Variants in PSG5 observed in about 807,000 individuals in gnomAD.
The protein encoded by PSG5 is pregnancy specific beta-1-glycoprotein 5.
In PSG5, 53 loss-of-function variants were observed where a neutral mutation model predicts 37.7. The observed-to-expected ratio is 1.41, with a 90% CI of 1.13 to 1.77. The LOEUF (loss-of-function observed/expected upper bound fraction) is 1.77, where lower values mean the gene tolerates loss of function less well. Among genes scored for constraint, PSG5 ranks in the 40% most tolerant of loss-of-function variants. The pLI, the probability that PSG5 is intolerant of heterozygous loss-of-function variation, is 0.00. For synonymous variants in PSG5, 221 were observed against 155.4 expected (o/e 1.42, Z -3.14); for missense variants, 547 against 405.2 (o/e 1.35, Z -3.00).
rs3207390 is a variant in PSG5 at position 43,170,136 on chromosome 19, G to T, written c.967C>A (p.Pro323Thr). 1.3e-6 allele frequency: 2 copies of T among 1,585,254 alleles called. No individual in the cohort carries two copies. The highest frequency in any genetic ancestry group is 1.7e-6 in the Non-Finnish European group (2 of 1,158,848). Residue 323 changes from proline to threonine, a missense_variant and splice_region_variant, in exon 5 of 6, where the codon CCT becomes ACT. By Grantham distance (38) the Pro-to-Thr change is conservative. Transcript: ENST00000342951. ...SKSMTVEVSA[P>T]SGIGRLPLLN... ...AGAGGAAGACGTCCTATTCCTGAAG[G>T]AGCTGTCATGGAAAGAAAAGTAAAG...
chr19:43,175,709 G>C, intron 3 of PSG5, 161 bp downstream of exon 3: 1 of 1,447,274 alleles, frequency 6.9e-7, no homozygotes, highest in East Asian at 2.3e-5. Context: ...GGTTAAGGCT[G>C]TGCCTACCTA....
At chr19:43,178,492 A>T (rs1222122679) in intron 2 of PSG5, among the ~76,000 whole-genome samples, 1 of 151,664 alleles carries the variant, frequency 6.6e-6, no homozygotes, top group East Asian at 1.9e-4. Flanking sequence ...GAGCAAAGAG[A>T]ATAAAGTCAC....
At chr19:43,178,094 G>A (rs1969049630) in intron 2 of PSG5, among the ~76,000 whole-genome samples, 1 of 151,534 alleles carries the variant, frequency 6.6e-6, no homozygotes, top group African/African-American at 2.4e-5. Context: ...GGTGGTTTTG[G>A]AGCAGAAACA....
In PSG5 at chr19:43,186,214, A is replaced by G. The variant is rs563282277; in HGVS notation, c.64+128T>C. On this transcript the variant is annotated intron_variant, in intron 1 of 5. Coordinates refer to ENST00000342951, the MANE Select transcript of PSG5 (RefSeq NM_002781.4). ...ACTGACCTTGAACTCCTGATCTCAT[A>G]ATCCACCCACCTCATCCTCCCAAAG... is the stretch of plus-strand genomic sequence containing the variant. 2.0e-4 allele frequency: 300 copies of G among 1,492,284 alleles called. 7 individuals carry two copies. Among genetic ancestry groups the G allele is most frequent in the Non-Finnish European group, 2.5e-4 (276 of 1,095,494 alleles). The allele number at this position is 1,492,284 out of a possible 1,614,324, so 92.4% of individuals were successfully genotyped here. A position where few individuals can be genotyped will look rare whatever the true frequency, so the allele number is the denominator to read the frequency against.
At position 43,171,663 on chromosome 19, in the gene PSG5, TACTC is replaced by T. The variant is rs1234630182; in HGVS notation, c.965-1529_965-1526del. On this transcript the variant is annotated intron_variant, in intron 4 of 5. Transcript: ENST00000342951. ...AGAAAAAAAGAGAAAAGTTTAAAAT[TACTC>T]AAATCAGAAATGAAAATGGACTCTG... is the stretch of plus-strand genomic sequence containing the variant. 3 of 952,786 alleles carry T rather than the reference TACTC, an allele frequency of 3.1e-6. No homozygotes were observed. In the African/African-American group the frequency reaches 5.2e-5, roughly 16 times the overall value. The allele number at this position is 952,786 out of a possible 1,614,324, so 59.0% of individuals were successfully genotyped here. A position where few individuals can be genotyped will look rare whatever the true frequency, so the allele number is the denominator to read the frequency against.
intron 2 of PSG5, among the ~76,000 whole-genome samples, chr19:43,179,668 C>T (rs1314896197): frequency 3.3e-5 from 5 of 151,698 alleles, no homozygotes; most frequent in Non-Finnish European, 7.4e-5. Context: ...GGTACTTCAG[C>T]ATAAATAACA....
In PSG5 at chr19:43,182,706, T is replaced by TTTTTTTTTTTTTTTTTTTTTC. The variant is rs1568375645; in HGVS notation, c.430+2075_430+2076insGAAAAAAAAAAAAAAAAAAAA. Among the ~76,000 whole-genome samples the TTTTTTTTTTTTTTTTTTTTTC allele has an allele frequency of 3.0e-4, 16 of 53,578 alleles. 1 individual carries two copies. The highest frequency in any genetic ancestry group is 2.1e-3 in the African/African-American group (16 of 7,572). 35.1% of individuals were successfully genotyped at this position (53,578 alleles called of 152,430 possible). ...TGACTAGAAACCAACATTTCAATAA[T>TTTTTTTTTTTTTTTTTTTTTC]TTTTTTTTTTTTTTTTTGTGCAGGA... On this transcript the variant is annotated intron_variant, in intron 2 of 5. Coordinates refer to ENST00000342951, the MANE Select transcript of PSG5 (RefSeq NM_002781.4).
chr19:43,178,498 G>T (rs1969058230), intron 2 of PSG5, among the ~76,000 whole-genome samples: 2 of 151,736 alleles, frequency 1.3e-5, no homozygotes, highest in South Asian at 4.1e-4. Context: ...AGAGAATAAA[G>T]TCACAGGTGA....
Position 43,168,593 on chromosome 19 carries a change from C to T in PSG5, c.*41-390G>A, listed in dbSNP as rs544982070. Among the ~76,000 whole-genome samples the T allele has an allele frequency of 5.9e-5, 9 of 151,694 alleles. 1 individual carries two copies. Among genetic ancestry groups the T allele is most frequent in the African/African-American group, 1.5e-4 (6 of 41,272 alleles). On this transcript the variant is annotated intron_variant, in intron 5 of 5. Coordinates refer to ENST00000342951, the MANE Select transcript of PSG5 (RefSeq NM_002781.4). ...TTCACCGTGTTAGCCAGGATGGTCT[C>T]GATCTCCTGACATCGTGATGTGCCC...
Position 43,175,226 on chromosome 19 carries a change from A to G in PSG5, c.953T>C (p.Val318Ala), listed in dbSNP as rs1968979709. 2 of 1,612,682 alleles carry G rather than the reference A, an allele frequency of 1.2e-6. No homozygotes were observed. The highest frequency in any genetic ancestry group is 2.2e-5 in the East Asian group (1 of 44,868). Residue 318 changes from valine to alanine, a missense_variant, in exon 4 of 6, where the codon GTC (valine) becomes GCC (alanine). Transcript: ENST00000342951. ...TGKESSKSMT[V>A]EVSAPSGIGR... ...TGGGATCCACTTACCAGAGACTTCG[A>G]CTGTCATGGATTTGGAGCTTTCCTT...
At chr19:43,175,651 T>G in intron 3 of PSG5, 182 bp from the exon 4 acceptor site, 1 of 1,386,276 alleles carries the variant, frequency 7.2e-7, no homozygotes, top group Non-Finnish European at 9.7e-7. Flanking sequence ...CACAAGCTAT[T>G]GACACAAAGT....
intron 2 of PSG5, among the ~76,000 whole-genome samples, chr19:43,184,020 A>C (rs539935093): frequency 6.6e-6 from 1 of 151,894 alleles, no homozygotes; most frequent in African/African-American, 2.4e-5. Flanking sequence ...ATTTGCTTCC[A>C]TGAGAAAGCA....
At chr19:43,185,324 C>T (rs1393776414) in intron 1 of PSG5, among the ~76,000 whole-genome samples, 177 bp from the exon 2 acceptor site, 4 of 151,012 alleles carry the variant, frequency 2.6e-5, no homozygotes, top group African/African-American at 9.8e-5. Context: ...TGTGTGTGTC[C>T]TACTGTCCTA....
intron 2 of PSG5, 104 bp from the exon 3 acceptor site, chr19:43,176,252 G>C (rs1351837421): frequency 8.5e-6 from 13 of 1,531,128 alleles, no homozygotes; most frequent in Non-Finnish European, 1.1e-5. Flanking sequence ...ACCCACCAGA[G>C]TCCTTGAAAG....
At chr19:43,175,178 T>C in intron 4 of PSG5, 37 bp downstream of exon 4, 1 of 1,612,148 alleles carries the variant, frequency 6.2e-7, no homozygotes, top group Non-Finnish European at 8.5e-7. Flanking sequence ...AGACTCCACC[T>C]AAAACCCTAT....
At chr19:43,185,738 T>C (rs182179102) in intron 1 of PSG5, among the ~76,000 whole-genome samples, 17 of 151,760 alleles carry the variant, frequency 1.1e-4, no homozygotes, top group Non-Finnish European at 4.4e-5. Flanking sequence ...ACCCTTGGTG[T>C]TTTATTTTCC....
rs1210716927 is a variant in PSG5, at chr19:43,175,074, A to G, written c.964+141T>C. The G allele has an allele frequency of 5.4e-5, 85 of 1,570,754 alleles. 1 individual carries two copies. The highest frequency in any genetic ancestry group is 4.0e-4 in the East Asian group (18 of 44,634). ...AAGAGAGTTTGTAGAGACAAATTGGAAGGGTTCAGGAGGAGAATTTGGGAT... is the reference window on the plus strand; with the variant it reads ...AAGAGAGTTTGTAGAGACAAATTGGGAGGGTTCAGGAGGAGAATTTGGGAT... On this transcript the variant is annotated intron_variant, in intron 4 of 5. Coordinates refer to ENST00000342951, the MANE Select transcript of PSG5 (RefSeq NM_002781.4).
At chr19:43,178,740 G>A (rs1454502829) in intron 2 of PSG5, 16 of 1,581,300 alleles carry the variant, frequency 1.0e-5, no homozygotes, top group Non-Finnish European at 1.4e-5. Flanking sequence ...TTTTGCCTGG[G>A]GCAGAAAGTC....
intron 1 of PSG5, 108 bp downstream of exon 1, chr19:43,186,234 C>A: frequency 6.4e-7 from 1 of 1,563,152 alleles, no homozygotes; most frequent in South Asian, 1.1e-5. Context: ...CCTCATCCTC[C>A]CAAAGTGCTG....
Sources: allele counts gnomAD v4.1 joint callset (sites outside exome capture counted in the v4.1 genomes callset), GRCh38; gene constraint gnomAD v4.1.1; transcripts MANE v1.5; gene names NCBI Gene and HGNC (gene_info 2026-07-23, HGNC 2026-07-21).